The following PPP2R3A variants were observed in gnomAD, a reference collection of about 807,000 sequenced individuals.
PPP2R3A encodes protein phosphatase 2 regulatory subunit B''alpha.
In PPP2R3A, 80 loss-of-function variants were observed where a neutral mutation model predicts 106.9. That is an observed-to-expected ratio of 0.75 (90% confidence interval 0.62 to 0.90). PPP2R3A has a LOEUF of 0.90. Among genes scored for constraint, PPP2R3A ranks in the 40% least tolerant of loss-of-function variants. The pLI is 0.00. For synonymous variants in PPP2R3A, 483 were observed against 468.3 expected (o/e 1.03, Z -0.41); for missense variants, 1,386 against 1,350.4 (o/e 1.03, Z -0.41).
intron 3 of PPP2R3A, among the ~76,000 whole-genome samples, 185 bp from the exon 4 acceptor site, chr3:136,040,674 G>A (rs369759288): frequency 1.3e-5 from 2 of 148,922 alleles, no homozygotes; most frequent in South Asian, 2.2e-4. Flanking sequence ...CTCTTATTTT[G>A]TTTCCCCTCT....
intron 1 of PPP2R3A, among the ~76,000 whole-genome samples, chr3:135,993,851 G>T (rs1933277579): frequency 6.6e-6 from 1 of 152,186 alleles, no homozygotes; most frequent in Admixed American, 6.5e-5. Flanking sequence ...AAGTACATAT[G>T]TAATTATGCT....
intron 6 of PPP2R3A, among the ~76,000 whole-genome samples, chr3:136,075,617 T>C (rs1287269231): frequency 6.6e-6 from 1 of 152,184 alleles, no homozygotes; most frequent in Non-Finnish European, 1.5e-5. Context: ...ATTTTAAAAA[T>C]TCAAAAAGAA....
intron 13 of PPP2R3A, among the ~76,000 whole-genome samples, chr3:136,136,645 T>C (rs1938635239): frequency 1.3e-5 from 2 of 152,140 alleles, no homozygotes; most frequent in African/African-American, 2.4e-5. Context: ...AACTGTTACG[T>C]AGGAGGTCCT....
At chr3:136,013,318 G>T (rs1934156759) in intron 2 of PPP2R3A, among the ~76,000 whole-genome samples, 1 of 152,124 alleles carries the variant, frequency 6.6e-6, no homozygotes. Context: ...ATAAACGTGA[G>T]TGTGCAAGTA....
chr3:136,034,459 C>T (rs1435027373), intron 3 of PPP2R3A, among the ~76,000 whole-genome samples: 1 of 152,100 alleles, frequency 6.6e-6, no homozygotes, highest in African/African-American at 2.4e-5. Context: ...TTTTAATTTC[C>T]ATCTTGATTT....
At chr3:136,123,816 A>G (rs951567453) in intron 13 of PPP2R3A, among the ~76,000 whole-genome samples, 1 of 152,246 alleles carries the variant, frequency 6.6e-6, no homozygotes, top group Non-Finnish European at 1.5e-5. Flanking sequence ...GGAGATTTCA[A>G]CACTTCTCAT....
intron 4 of PPP2R3A, among the ~76,000 whole-genome samples, chr3:136,046,432 C>A: frequency 1.4e-5 from 2 of 147,142 alleles, no homozygotes; most frequent in South Asian, 2.2e-4. Flanking sequence ...CCAGCCTAGG[C>A]AACAAGAGTG....
At chr3:136,072,452 TGTG>T (rs1936467793) in intron 6 of PPP2R3A, among the ~76,000 whole-genome samples, 1 of 152,018 alleles carries the variant, frequency 6.6e-6, no homozygotes, top group African/African-American at 2.4e-5. Flanking sequence ...ATTAGCCAGG[TGTG>T]GTGGTGCACA....
At chr3:136,063,138 T>G (rs1407610539) in intron 5 of PPP2R3A, among the ~76,000 whole-genome samples, 5 of 152,184 alleles carry the variant, frequency 3.3e-5, no homozygotes, top group Admixed American at 1.3e-4. Context: ...CCATCTGATC[T>G]TTGACAAACT....
At chr3:136,144,852 G>C (rs879901309) in intron 13 of PPP2R3A, among the ~76,000 whole-genome samples, 191 bp from the exon 14 acceptor site, 2 of 152,146 alleles carry the variant, frequency 1.3e-5, no homozygotes, top group Non-Finnish European at 2.9e-5. Context: ...AAGCTTTAAG[G>C]AACAGGGAGA....
chr3:136,002,597 C>CA lies in PPP2R3A; in HGVS notation c.1101dup (p.Ser368IlefsTer12). The CA allele has an allele frequency of 6.2e-7, 1 of 1,613,866 alleles. No individual in the cohort carries two copies. Among genetic ancestry groups the CA allele is most frequent in the Non-Finnish European group, 8.5e-7 (1 of 1,179,810 alleles). On this transcript the variant is annotated frameshift_variant, in exon 2 of 14. Coordinates refer to ENST00000264977, the MANE Select transcript of PPP2R3A (RefSeq NM_002718.5). LOFTEE classifies it high-confidence loss of function. ...TAATTCTAGGAAGATGGACACTGTACAATCCATTCCAAACAACTCCACAAA... is the reference window on the plus strand; with the variant it reads ...TAATTCTAGGAAGATGGACACTGTACAAATCCATTCCAAACAACTCCACAAA...
intron 1 of PPP2R3A, among the ~76,000 whole-genome samples, chr3:135,999,218 A>ATCTG (rs1038532042): frequency 6.6e-6 from 1 of 152,234 alleles, no homozygotes; most frequent in African/African-American, 2.4e-5. Flanking sequence ...TGTTGTAAGC[A>ATCTG]TCTGACATAT....
At chr3:136,024,147 T>G (rs1418546288) in intron 2 of PPP2R3A, among the ~76,000 whole-genome samples, 1 of 152,072 alleles carries the variant, frequency 6.6e-6, no homozygotes, top group South Asian at 2.1e-4. Flanking sequence ...ATTGAAGTAT[T>G]TTACCCAGCT....
intron 2 of PPP2R3A, among the ~76,000 whole-genome samples, chr3:136,024,830 CCTGAAGAATT>C (rs1199603530): frequency 1.3e-5 from 2 of 151,900 alleles, no homozygotes; most frequent in Non-Finnish European, 2.9e-5. Context: ...AGGTAAAGCC[CCTGAAGAATT>C]CTGTGCCTTA....
At chr3:136,052,168 T>C (rs1011876852) in intron 5 of PPP2R3A, among the ~76,000 whole-genome samples, 2 of 152,254 alleles carry the variant, frequency 1.3e-5, no homozygotes, top group African/African-American at 4.8e-5. Flanking sequence ...TTACCAGTTC[T>C]CTACTGCTCT....
chr3:135,992,895 T>G (rs562789227), intron 1 of PPP2R3A, among the ~76,000 whole-genome samples: 2 of 152,092 alleles, frequency 1.3e-5, no homozygotes, highest in Admixed American at 6.6e-5. Context: ...AGAGGAGAGA[T>G]GCAAGGAAGG....
At position 136,003,060 on chromosome 3, in the gene PPP2R3A, A is replaced by G; in HGVS notation, c.1562A>G (p.Gln521Arg). Reference sequence around the variant, plus strand: ...TTAATGGATTTGGAATCTTTTTCACAGAAGATGGAGACCTCTCTAAGAGAG... The same window carrying G: ...TTAATGGATTTGGAATCTTTTTCACGGAAGATGGAGACCTCTCTAAGAGAG... ...KLLMDLESFS[Q>R]KMETSLREPL... The change falls in exon 2 of 14, where the codon CAG (glutamine) becomes CGG (arginine). Residue 521 changes from glutamine (Q) to arginine (R), a missense_variant. Gln to Arg is a conservative substitution (Grantham distance 43). Transcript: ENST00000264977. The G allele has an allele frequency of 1.9e-6, 3 of 1,611,850 alleles. No individual in the cohort carries two copies. The highest frequency in any genetic ancestry group is 2.5e-6 in the Non-Finnish European group (3 of 1,179,474).
chr3:136,034,690 A>G (rs1247506024), intron 3 of PPP2R3A, among the ~76,000 whole-genome samples: 2 of 152,162 alleles, frequency 1.3e-5, no homozygotes, highest in African/African-American at 4.8e-5. Context: ...AATAGAATGC[A>G]TATTCTGCAG....
chr3:135,967,692 C>T (rs1523598), intron 1 of PPP2R3A, among the ~76,000 whole-genome samples: 99,213 of 151,920 alleles, frequency 0.65, 34,680 homozygotes, highest in African/African-American at 0.91. Flanking sequence ...GCTGAAGCTT[C>T]ACCTCTGCCC....
Sources: allele counts gnomAD v4.1 joint callset (sites outside exome capture counted in the v4.1 genomes callset), GRCh38; gene constraint gnomAD v4.1.1; transcripts MANE v1.5; gene names NCBI Gene and HGNC (gene_info 2026-07-23, HGNC 2026-07-21).